The following SLC2A13 variants were observed in gnomAD, a reference collection of about 807,000 sequenced individuals.
SLC2A13 encodes proton myo-inositol cotransporter.
In SLC2A13, 32 loss-of-function variants were observed where a neutral mutation model predicts 64.4. The observed-to-expected ratio is 0.50, with a 90% CI of 0.37 to 0.67. SLC2A13 has a LOEUF of 0.67. Ranked by LOEUF, SLC2A13 falls within the 30% of genes least tolerant of loss-of-function variation. The probability of loss-of-function intolerance (pLI) is 0.00; values close to 1 mark genes in which losing one functional copy is unlikely to be tolerated. For synonymous variants in SLC2A13, 338 were observed against 327.1 expected, an observed-to-expected ratio of 1.03 and a Z score of -0.36; for missense variants, 743 against 829.2, an observed-to-expected ratio of 0.90 and a Z score of 1.28.
intron 5 of SLC2A13, among the ~76,000 whole-genome samples, chr12:39,866,452 C>T (rs2135930243): frequency 6.6e-6 from 1 of 152,226 alleles, no homozygotes; most frequent in Non-Finnish European, 1.5e-5. Context: ...TACGGGCTTA[C>T]AGTGAATTTT....
chr12:39,786,736 T>C (rs1941202308), intron 7 of SLC2A13, among the ~76,000 whole-genome samples: 1 of 152,150 alleles, frequency 6.6e-6, no homozygotes, highest in Admixed American at 6.5e-5. Flanking sequence ...CCTTGGTGGG[T>C]GAATCATTCT....
chr12:39,926,137 A>G (rs1945724961), intron 4 of SLC2A13, among the ~76,000 whole-genome samples: 1 of 152,178 alleles, frequency 6.6e-6, no homozygotes, highest in African/African-American at 2.4e-5. Flanking sequence ...TTAGAACATT[A>G]AAGCAAAGAG....
At chr12:39,834,999 G>T (rs1942967205) in intron 6 of SLC2A13, among the ~76,000 whole-genome samples, 2 of 152,032 alleles carry the variant, frequency 1.3e-5, no homozygotes, top group Non-Finnish European at 2.9e-5. Context: ...CTCAAGATTT[G>T]CTCTTTAAGC....
chr12:39,783,394 G>A lies in SLC2A13; in HGVS notation c.1446-18536C>T, dbSNP rs542425406. 2.6e-5 allele frequency among the ~76,000 whole-genome samples: 4 copies of A among 152,324 alleles called. No homozygotes were observed. In the South Asian group the frequency reaches 6.2e-4, roughly 24 times the overall value. On this transcript the variant is annotated intron_variant, in intron 7 of 9. Coordinates refer to ENST00000280871, the MANE Select transcript of SLC2A13 (RefSeq NM_052885.4). ...TCTTTGGGTATATACCCAGCAATGG[G>A]ATGGCTGTGTCAAATGGTATTTCTA...
intron 7 of SLC2A13, among the ~76,000 whole-genome samples, chr12:39,782,136 A>G (rs1178865750): frequency 6.6e-6 from 1 of 152,160 alleles, no homozygotes; most frequent in Non-Finnish European, 1.5e-5. Flanking sequence ...GGGAAAGCAT[A>G]TTTTAACTTA....
chr12:39,840,105 C>T (rs1363424674), intron 6 of SLC2A13, among the ~76,000 whole-genome samples: 1 of 152,014 alleles, frequency 6.6e-6, no homozygotes, highest in Non-Finnish European at 1.5e-5. Context: ...GATCTTGGCT[C>T]ACTGCAACCT....
Position 39,990,690 on chromosome 12 carries a change from G to T in SLC2A13, c.925+37611C>A, listed in dbSNP as rs518159. Among the ~76,000 whole-genome samples the T allele has an allele frequency of 1.4e-3, 216 of 152,186 alleles. 1 individual carries two copies. The highest frequency in any genetic ancestry group is 4.9e-3 in the African/African-American group (204 of 41,516). ...ACTAGGTGGTTGTGACACTGTGGGGGGCCTCCATTGCCCCCTAGTGGCAGC... is the reference window on the plus strand; with the variant it reads ...ACTAGGTGGTTGTGACACTGTGGGGTGCCTCCATTGCCCCCTAGTGGCAGC... On this transcript the variant is annotated intron_variant, in intron 3 of 9. Coordinates refer to ENST00000280871, the MANE Select transcript of SLC2A13 (RefSeq NM_052885.4).
chr12:39,921,169 C>A (rs1945609157), intron 4 of SLC2A13, among the ~76,000 whole-genome samples: 1 of 151,982 alleles, frequency 6.6e-6, no homozygotes, highest in African/African-American at 2.4e-5. Flanking sequence ...TGCAAGGGGG[C>A]AATTTCTGAG....
chr12:39,935,620 A>AATAT (rs1945904965), intron 4 of SLC2A13, among the ~76,000 whole-genome samples: 1 of 152,190 alleles, frequency 6.6e-6, no homozygotes, highest in African/African-American at 2.4e-5. Context: ...CTGCAGTTAT[A>AATAT]ATATAATAAA....
chr12:39,979,528 A>G (rs1301819324), intron 3 of SLC2A13, among the ~76,000 whole-genome samples: 6 of 149,942 alleles, frequency 4.0e-5, no homozygotes, highest in African/African-American at 1.5e-4. Flanking sequence ...TGAAGAATGC[A>G]GAAGCCTCAG....
intron 7 of SLC2A13, among the ~76,000 whole-genome samples, chr12:39,765,113 CTAAT>C (rs1428021795): frequency 6.6e-6 from 1 of 152,040 alleles, no homozygotes; most frequent in African/African-American, 2.4e-5. Context: ...GACATGATTT[CTAAT>C]TAGTCCCTGG....
Position 39,900,431 on chromosome 12 carries a change from A to G in SLC2A13, c.1035-28470T>C, listed in dbSNP as rs540191304. Among the ~76,000 whole-genome samples, 186 of 152,274 alleles carry G rather than the reference A, an allele frequency of 1.2e-3. 2 individuals are homozygous for G. The highest frequency in any genetic ancestry group is 4.1e-3 in the African/African-American group (170 of 41,560). Reference sequence around the variant, plus strand: ...TTGCAGATGACATGATCGTATATCTAGAAAACCCCATCGTCTCAGCCCAAA... The same window carrying G: ...TTGCAGATGACATGATCGTATATCTGGAAAACCCCATCGTCTCAGCCCAAA... On this transcript the variant is annotated intron_variant, in intron 4 of 9. Transcript: ENST00000280871.
At chr12:39,828,718 T>A (rs943590144) in intron 7 of SLC2A13, among the ~76,000 whole-genome samples, 1 of 152,048 alleles carries the variant, frequency 6.6e-6, no homozygotes, top group African/African-American at 2.4e-5. Context: ...CTTAGTTTTT[T>A]TTTTTTCCTA....
At chr12:39,801,649 T>C (rs139511825) in intron 7 of SLC2A13, among the ~76,000 whole-genome samples, 1 of 152,252 alleles carries the variant, frequency 6.6e-6, no homozygotes, top group Non-Finnish European at 1.5e-5. Flanking sequence ...GTCAGCAGAC[T>C]TATTTTTCTT....
intron 3 of SLC2A13, among the ~76,000 whole-genome samples, chr12:40,001,481 T>C (rs914593478): frequency 6.6e-6 from 1 of 152,238 alleles, no homozygotes; most frequent in African/African-American, 2.4e-5. Context: ...TTCACCATTC[T>C]TAAATATTTT....
At chr12:39,764,353 A>G (rs1940272143) in intron 9 of SLC2A13, 107 bp downstream of exon 9, 1 of 1,059,660 alleles carries the variant, frequency 9.4e-7, no homozygotes, top group Non-Finnish European at 1.3e-6. Flanking sequence ...GATACTTATA[A>G]CAGCAAAATA....
At chr12:39,969,571 T>C (rs931528408) in intron 3 of SLC2A13, among the ~76,000 whole-genome samples, 2 of 152,268 alleles carry the variant, frequency 1.3e-5, no homozygotes, top group Admixed American at 6.5e-5. Flanking sequence ...CATTTCTTCA[T>C]GTGTTTTTTA....
chr12:40,069,297 G>A (rs1421938780), intron 1 of SLC2A13, among the ~76,000 whole-genome samples: 1 of 151,978 alleles, frequency 6.6e-6, no homozygotes, highest in African/African-American at 2.4e-5. Context: ...AACATGTATA[G>A]CTTAATGAAT....
At chr12:40,033,854 T>C (rs966178446) in intron 2 of SLC2A13, among the ~76,000 whole-genome samples, 4 of 152,236 alleles carry the variant, frequency 2.6e-5, no homozygotes, top group African/African-American at 9.6e-5. Context: ...ATGAATATGA[T>C]AGATCGAAAG....
Sources: gnomAD v4.1 joint callset for allele counts (sites outside exome capture counted in the v4.1 genomes callset) on GRCh38, gnomAD v4.1.1 for gene constraint, MANE v1.5 for transcripts, NCBI Gene and HGNC (gene_info 2026-07-23, HGNC 2026-07-21) for gene names.